The following ACO2 variants were observed in gnomAD, a reference collection of about 807,000 sequenced individuals.
The protein encoded by ACO2 is aconitase 2.
Under a neutral mutation model 84.5 loss-of-function variants are expected in ACO2, and 31 were observed. The ratio of observed to expected loss-of-function variants is 0.37; its 90% CI spans 0.28 to 0.50. The LOEUF (loss-of-function observed/expected upper bound fraction) is 0.50, where lower values mean the gene tolerates loss of function less well. ACO2 is among the 20% of genes least tolerant of loss of function. The pLI, the probability that ACO2 is intolerant of heterozygous loss-of-function variation, is 0.97. For missense variants in ACO2, 685 were observed against 1,029.3 expected, an observed-to-expected ratio of 0.67 and a Z score of 4.58; for synonymous variants, 414 against 412.7, an observed-to-expected ratio of 1.00 and a Z score of -0.04.
chr22:41,470,106 C>T (rs537385622), intron 1 of ACO2, among the ~76,000 whole-genome samples: 1 of 152,330 alleles, frequency 6.6e-6, no homozygotes, highest in African/African-American at 2.4e-5. Flanking sequence ...TAGGAGCTAT[C>T]TAGAAAGCTG....
intron 12 of ACO2, 113 bp from the exon 13 acceptor site, chr22:41,524,733 G>A: frequency 1.3e-6 from 2 of 1,528,458 alleles, no homozygotes; most frequent in South Asian, 1.2e-5. Context: ...GGTCTGGGAA[G>A]AACATGGAAA....
At chr22:41,528,063 C>A in intron 17 of ACO2, 41 bp downstream of exon 17, 1 of 1,613,044 alleles carries the variant, frequency 6.2e-7, no homozygotes, top group Middle Eastern at 1.8e-4. Context: ...GGGTGAGGGG[C>A]AGCCACCTTG....
intron 2 of ACO2, among the ~76,000 whole-genome samples, chr22:41,506,085 T>G (rs2066391089): frequency 6.6e-6 from 1 of 151,978 alleles, no homozygotes; most frequent in African/African-American, 2.4e-5. Flanking sequence ...TTGTTTTTTT[T>G]TTGTTTGTTT....
chr22:41,516,259 G>T, intron 6 of ACO2: 1 of 564,030 alleles, frequency 1.8e-6, no homozygotes, highest in Non-Finnish European at 3.2e-6. Context: ...AGAGAGGACA[G>T]AGGCAGTGGT....
At chr22:41,517,130 A>G (rs187740989) in intron 6 of ACO2, among the ~76,000 whole-genome samples, 1 of 152,234 alleles carries the variant, frequency 6.6e-6, no homozygotes, top group Non-Finnish European at 1.5e-5. Flanking sequence ...AATCTCTCTG[A>G]GCCAGTTCCT....
At position 41,511,452 on chromosome 22, in the gene ACO2, G is replaced by A. The variant is rs183007752; in HGVS notation, c.433-424G>A. ...CTCCCAAAGTGTTGGGATTACAGGC[G>A]TGAGCCACTGCACCCAGCCACTGCG... On this transcript the variant is annotated intron_variant, in intron 3 of 17. Transcript: ENST00000216254. Among the ~76,000 whole-genome samples, 425 of 152,372 alleles carry A rather than the reference G, an allele frequency of 2.8e-3. 2 individuals are homozygous for A. The highest frequency in any genetic ancestry group is 1.8e-3 in the Non-Finnish European group (120 of 68,038).
chr22:41,523,878 C>T lies in ACO2; in HGVS notation c.1419C>T (p.Asn473=). ...GEKNTIVTSY[N]RNFTGRNDAN... The stretch of plus-strand genomic sequence containing the variant: ...AGAACACAATCGTCACCTCCTACAA[C>T]AGGAACTTCACGGGCCGCAACGACG... Residue 473 remains asparagine (N), a synonymous_variant, in exon 12 of 18, where the codon AAC becomes AAT. Transcript: ENST00000216254. 2.5e-6 allele frequency: 4 copies of T among 1,612,464 alleles called. No individual in the cohort carries two copies. Among genetic ancestry groups the T allele is most frequent in the Non-Finnish European group, 3.4e-6 (4 of 1,180,006 alleles).
chr22:41,496,478 A>G (rs1173043793), intron 1 of ACO2, among the ~76,000 whole-genome samples: 3 of 152,138 alleles, frequency 2.0e-5, no homozygotes, highest in African/African-American at 7.2e-5. Flanking sequence ...TCCTCACAAT[A>G]GCTCTGTGAA....
chr22:41,471,114 A>G (rs1210566894), intron 1 of ACO2, among the ~76,000 whole-genome samples: 2 of 150,392 alleles, frequency 1.3e-5, no homozygotes, highest in Non-Finnish European at 3.0e-5. Context: ...TCCATTGGAG[A>G]TGATCTTCAT....
intron 1 of ACO2, among the ~76,000 whole-genome samples, chr22:41,481,283 C>G (rs1378356598): frequency 1.3e-5 from 2 of 152,160 alleles, no homozygotes; most frequent in Non-Finnish European, 2.9e-5. Context: ...GGAGTGTTTC[C>G]ATGATGGCAC....
At chr22:41,474,729 G>A (rs1161758987) in intron 1 of ACO2, among the ~76,000 whole-genome samples, 2 of 150,360 alleles carry the variant, frequency 1.3e-5, no homozygotes, top group African/African-American at 2.5e-5. Flanking sequence ...CTCCTGAGTA[G>A]CTGGAACTAC....
intron 3 of ACO2, among the ~76,000 whole-genome samples, 180 bp downstream of exon 3, chr22:41,508,229 T>TA (rs35052987): frequency 6.6e-6 from 1 of 152,250 alleles, no homozygotes; most frequent in African/African-American, 2.4e-5. Flanking sequence ...CTCATTATGT[T>TA]AAAAAATACA....
intron 1 of ACO2, among the ~76,000 whole-genome samples, chr22:41,499,075 C>T (rs1339072732): frequency 2.1e-5 from 3 of 145,794 alleles, no homozygotes; most frequent in African/African-American, 7.7e-5. Flanking sequence ...CCCACCTGGG[C>T]GGCAAGACTC....
chr22:41,474,643 G>T (rs1402128241), intron 1 of ACO2, among the ~76,000 whole-genome samples: 1 of 126,518 alleles, frequency 7.9e-6, no homozygotes, highest in African/African-American at 3.1e-5. Context: ...CTGTCACCCA[G>T]GCTGGAGTGC....
At chr22:41,518,394 T>G in intron 7 of ACO2, 87 bp from the exon 8 acceptor site, 1 of 1,007,798 alleles carries the variant, frequency 9.9e-7, no homozygotes, top group Non-Finnish European at 1.5e-6. Context: ...GGCCTGGTGT[T>G]TGGCAGGTGC....
intron 17 of ACO2, 101 bp downstream of exon 17, chr22:41,528,123 T>C: frequency 6.5e-7 from 1 of 1,538,890 alleles, no homozygotes; most frequent in Non-Finnish European, 8.8e-7. Context: ...GAGGCTTCAT[T>C]CCAGCTGGAA....
At chr22:41,469,895 A>G (rs1292238061) in intron 1 of ACO2, among the ~76,000 whole-genome samples, 1 of 152,198 alleles carries the variant, frequency 6.6e-6, no homozygotes, top group African/African-American at 2.4e-5. Context: ...CAAGAGTGTC[A>G]CCGAAGTGCT....
intron 1 of ACO2, among the ~76,000 whole-genome samples, chr22:41,481,516 T>C (rs2038086550): frequency 6.6e-6 from 1 of 152,142 alleles, no homozygotes; most frequent in South Asian, 2.1e-4. Context: ...GGTCAGTCCG[T>C]TTCGATTGTA....
chr22:41,520,840 T>C (rs1301912810), intron 9 of ACO2, among the ~76,000 whole-genome samples: 1 of 141,558 alleles, frequency 7.1e-6, no homozygotes, highest in East Asian at 2.6e-4. Context: ...AGGCTCCGTC[T>C]CAGAAAAAAA....
Sources: allele counts gnomAD v4.1 joint callset (sites outside exome capture counted in the v4.1 genomes callset), GRCh38; gene constraint gnomAD v4.1.1; transcripts MANE v1.5; gene names NCBI Gene and HGNC (gene_info 2026-07-23, HGNC 2026-07-21).